Variants in RIMS2 observed in about 807,000 individuals in gnomAD.
RIMS2 encodes regulating synaptic membrane exocytosis protein 2.
In RIMS2, 59 loss-of-function variants were observed where a neutral mutation model predicts 174.4. That is an observed-to-expected ratio of 0.34 (90% CI 0.27 to 0.42). The LOEUF (loss-of-function observed/expected upper bound fraction) is 0.42. Ranked by LOEUF, RIMS2 falls within the 10% of genes least tolerant of loss-of-function variation. The pLI is 1.00. For synonymous variants in RIMS2, 606 were observed against 572.5 expected (o/e 1.06, Z -0.84); for missense variants, 1,620 against 1,666.3 (o/e 0.97, Z 0.48).
chr8:104,043,578 G>A (rs1038983037), intron 19 of RIMS2, among the ~76,000 whole-genome samples: 55 of 151,780 alleles, frequency 3.6e-4, no homozygotes, highest in African/African-American at 1.3e-3. Flanking sequence ...GTGAAATCAT[G>A]CAGAATTTTT....
At chr8:103,728,748 C>CTT (rs71575982) in intron 2 of RIMS2, among the ~76,000 whole-genome samples, 14 of 92,660 alleles carry the variant, frequency 1.5e-4, no homozygotes, top group Admixed American at 3.2e-4. Flanking sequence ...TATGCTCCTT[C>CTT]TTTTTTTTTT....
rs147693669 is a variant in RIMS2, at chr8:103,673,688, G to A, written c.177-23398G>A. Among the ~76,000 whole-genome samples the A allele has an allele frequency of 2.1e-3, 325 of 152,258 alleles. 2 individuals are homozygous for A. The highest frequency in any genetic ancestry group is 6.9e-3 in the African/African-American group (285 of 41,554). ...CTCAGTGCCTGTGATAGGTGGGCCC[G>A]CCATGAAGGTTTCTGAACTCCATCA... On this transcript the variant is annotated intron_variant, in intron 1 of 23. Transcript: ENST00000504942.
At chr8:104,161,902 A>G (rs2098764313) in intron 19 of RIMS2, among the ~76,000 whole-genome samples, 1 of 152,194 alleles carries the variant, frequency 6.6e-6, no homozygotes. Context: ...TTCATCTTCA[A>G]GCTAACAAAG....
chr8:103,568,944 G>A lies in RIMS2; in HGVS notation c.176+67882G>A, dbSNP rs2092596383. 1.3e-5 allele frequency: 10 copies of A among 765,176 alleles called. 1 individual carries two copies. Among genetic ancestry groups the A allele is most frequent in the South Asian group, 8.5e-5 (6 of 70,532 alleles). 47.4% of individuals were successfully genotyped at this position (765,176 alleles called of 1,614,324 possible). On this transcript the variant is annotated intron_variant, in intron 1 of 23. Transcript: ENST00000504942. ...GGCATTGCAAAACTGATCTGAAAGC[G>A]AGTTCATGGTGTCTTACAGCTGCAT...
intron 1 of RIMS2, among the ~76,000 whole-genome samples, chr8:103,575,687 T>C (rs949287309): frequency 2.9e-4 from 43 of 148,230 alleles, no homozygotes; most frequent in Non-Finnish European, 3.4e-4. Flanking sequence ...CACACACACA[T>C]ATATATATAT....
At chr8:103,760,846 A>G (rs1195235163) in intron 2 of RIMS2, among the ~76,000 whole-genome samples, 1 of 152,250 alleles carries the variant, frequency 6.6e-6, no homozygotes, top group African/African-American at 2.4e-5. Flanking sequence ...AGCATTTGGC[A>G]TATAGTAGCC....
intron 1 of RIMS2, among the ~76,000 whole-genome samples, chr8:103,572,134 G>A (rs1475802168): frequency 1.3e-5 from 2 of 152,084 alleles, no homozygotes; most frequent in African/African-American, 2.4e-5. Flanking sequence ...CTTCCAGTGG[G>A]TTCATGGTCT....
intron 3 of RIMS2, among the ~76,000 whole-genome samples, chr8:103,801,803 G>A (rs963378410): frequency 2.0e-5 from 3 of 152,152 alleles, no homozygotes; most frequent in African/African-American, 7.2e-5. Flanking sequence ...GACTTCACTA[G>A]ATTGTCCACT....
At chr8:103,978,769 A>G (rs1405917311) in intron 16 of RIMS2, among the ~76,000 whole-genome samples, 2 of 152,230 alleles carry the variant, frequency 1.3e-5, no homozygotes, top group African/African-American at 2.4e-5. Flanking sequence ...CATATCCCTA[A>G]CAGAAATCAA....
rs138166621 is a variant in RIMS2 at position 103,916,032 on chromosome 8, G to A, written c.1913-382G>A. Among the ~76,000 whole-genome samples the A allele has an allele frequency of 4.3e-4, 66 of 152,038 alleles. 1 individual carries two copies. The highest frequency in any genetic ancestry group is 1.6e-3 in the African/African-American group (65 of 41,528). On this transcript the variant is annotated intron_variant, in intron 7 of 23. Coordinates refer to ENST00000504942, the Ensembl canonical transcript of RIMS2. ...ACTAATTATTAAGGTTTTTACAAGA[G>A]AATTTAGATACTGGAAACCCTTTAC...
intron 2 of RIMS2, among the ~76,000 whole-genome samples, chr8:103,751,445 C>A (rs1243281136): frequency 6.6e-6 from 1 of 151,678 alleles, no homozygotes; most frequent in Non-Finnish European, 1.5e-5. Flanking sequence ...GATTTATAAT[C>A]CTTTGGGTAT....
At chr8:103,713,330 G>C (rs1389464461) in intron 2 of RIMS2, among the ~76,000 whole-genome samples, 2 of 152,062 alleles carry the variant, frequency 1.3e-5, no homozygotes, top group Non-Finnish European at 2.9e-5. Context: ...AATATCTTGT[G>C]TTTCTAAGTC....
chr8:103,823,416 A>G (rs942004332), intron 3 of RIMS2, among the ~76,000 whole-genome samples: 4 of 151,890 alleles, frequency 2.6e-5, no homozygotes, highest in Non-Finnish European at 5.9e-5. Context: ...AGTGATTATT[A>G]TTAGTACTAT....
intron 19 of RIMS2, among the ~76,000 whole-genome samples, chr8:104,138,024 A>G (rs757917867): frequency 1.6e-4 from 24 of 152,182 alleles, no homozygotes; most frequent in Non-Finnish European, 2.8e-4. Context: ...AGCTCCTGCA[A>G]ATAAGTGAAA....
chr8:103,525,177 C>T (rs1833366273), intron 1 of RIMS2, among the ~76,000 whole-genome samples: 1 of 152,090 alleles, frequency 6.6e-6, no homozygotes, highest in Non-Finnish European at 1.5e-5. Context: ...CATCAAGACT[C>T]TTCTTTTTTT....
At chr8:103,540,944 G>T (rs1356831748) in intron 1 of RIMS2, among the ~76,000 whole-genome samples, 1 of 151,760 alleles carries the variant, frequency 6.6e-6, no homozygotes, top group Non-Finnish European at 1.5e-5. Context: ...TCAAAGACAA[G>T]TTACTTGAAA....
intron 17 of RIMS2, among the ~76,000 whole-genome samples, chr8:104,002,496 A>T (rs2095427747): frequency 6.6e-6 from 1 of 152,162 alleles, no homozygotes; most frequent in Non-Finnish European, 1.5e-5. Flanking sequence ...GTGGACAATA[A>T]AAAGTAACTT....
In RIMS2 at chr8:103,545,637, C is replaced by T. The variant is rs542741337; in HGVS notation, c.176+44575C>T. ...AAGACAGCTAGAGAGAAGGGGCACA[C>T]CCCCTACAAAGGGAACTCCATCAGG... On this transcript the variant is annotated intron_variant, in intron 1 of 23. Coordinates refer to ENST00000504942, the Ensembl canonical transcript of RIMS2. Among the ~76,000 whole-genome samples, 11 of 152,232 alleles carry T rather than the reference C, an allele frequency of 7.2e-5. No individual in the cohort carries two copies. In the South Asian group the frequency reaches 2.3e-3, roughly 32 times the overall value.
chr8:103,915,009 A>T (rs935176406), intron 6 of RIMS2, among the ~76,000 whole-genome samples: 3 of 151,986 alleles, frequency 2.0e-5, no homozygotes, highest in African/African-American at 7.2e-5. Context: ...AAATTTTGTA[A>T]TTTTTTTCAA....
Sources: gnomAD v4.1 joint callset for allele counts (sites outside exome capture counted in the v4.1 genomes callset) on GRCh38, gnomAD v4.1.1 for gene constraint, MANE v1.5 for transcripts, NCBI Gene and HGNC (gene_info 2026-07-23, HGNC 2026-07-21) for gene names.